Variants in PELI2 observed in about 807,000 individuals in gnomAD.
PELI2 encodes pellino E3 ubiquitin protein ligase family member 2.
A neutral mutation model predicts 42.3 loss-of-function variants in PELI2; 23 were observed. That is an observed-to-expected ratio of 0.54 (90% confidence interval 0.39 to 0.77). The LOEUF is 0.77. Ranked by LOEUF, PELI2 falls within the 30% of genes least tolerant of loss-of-function variation. The pLI is 0.00. For synonymous variants in PELI2, 245 were observed against 212.2 expected, an observed-to-expected ratio of 1.15 and a Z score of -1.34; for missense variants, 463 against 553.2, an observed-to-expected ratio of 0.84 and a Z score of 1.64.
At chr14:56,205,220 G>C (rs949336406) in intron 2 of PELI2, among the ~76,000 whole-genome samples, 4 of 152,068 alleles carry the variant, frequency 2.6e-5, no homozygotes, top group Non-Finnish European at 5.9e-5. Flanking sequence ...ACATGCTACC[G>C]TGAGTGGACT....
Position 56,297,085 on chromosome 14 carries a change from C to T in PELI2, c.1182C>T (p.His394=), listed in dbSNP as rs112819861. 1.7e-3 allele frequency: 2,790 copies of T among 1,610,820 alleles called. 8 individuals carry two copies. The highest frequency in any genetic ancestry group is 2.2e-3 in the Non-Finnish European group (2,634 of 1,179,920). ...IPLPHGTHAF[H]AACPFCATQL... is the part of the protein sequence containing the mutation. The stretch of plus-strand genomic sequence containing the variant: ...TGCCTCATGGAACTCATGCATTTCA[C>T]GCTGCTTGCCCTTTCTGTGCTACAC... Residue 394 remains histidine, a synonymous_variant, in exon 6 of 6, where the codon CAC becomes CAT. Coordinates refer to ENST00000267460, the MANE Select transcript of PELI2 (RefSeq NM_021255.3).
At chr14:56,295,829 C>G (rs1224238944) in intron 5 of PELI2, among the ~76,000 whole-genome samples, 1 of 152,134 alleles carries the variant, frequency 6.6e-6, no homozygotes, top group Non-Finnish European at 1.5e-5. Context: ...TTCATGCACT[C>G]TGAGCTCTGG....
At chr14:56,185,477 G>A (rs181864882) in intron 2 of PELI2, among the ~76,000 whole-genome samples, 2 of 152,186 alleles carry the variant, frequency 1.3e-5, no homozygotes, top group East Asian at 1.9e-4. Flanking sequence ...TTTAAGCCAG[G>A]CAGTGTTACT....
intron 2 of PELI2, among the ~76,000 whole-genome samples, chr14:56,258,101 A>G (rs1888583185): frequency 6.6e-6 from 1 of 152,196 alleles, no homozygotes; most frequent in East Asian, 1.9e-4. Flanking sequence ...AGATCTCAAA[A>G]TACCAGGGAA....
At chr14:56,296,173 G>T (rs545936502) in intron 5 of PELI2, among the ~76,000 whole-genome samples, 10 of 152,184 alleles carry the variant, frequency 6.6e-5, no homozygotes, top group African/African-American at 2.4e-4. Context: ...CAGGCCCCCC[G>T]CAAGATCTTC....
rs376146036 is a variant in PELI2, at chr14:56,178,351, C to T, written c.94C>T (p.Pro32Ser). The change falls in exon 2 of 6, where the codon CCC (proline) becomes TCC (serine). Residue 32 changes from proline (P) to serine (S), a missense_variant. Physicochemically the swap from Pro to Ser is moderately conservative, Grantham distance 74. Transcript: ENST00000267460. The stretch of plus-strand genomic sequence containing the variant: ...TGTTTCTAGGTACAATGGTGCTTTA[C>T]CCAATGGAGATAGAGGACGGAGGAA... Reference protein sequence around the residue: ...LVVLGYNGALPNGDRGRRKSR... With the variant: ...LVVLGYNGALSNGDRGRRKSR... 4 of 1,613,836 alleles carry T rather than the reference C, an allele frequency of 2.5e-6. No homozygotes were observed. The highest frequency in any genetic ancestry group is 3.4e-6 in the Non-Finnish European group (4 of 1,179,870).
Position 56,288,714 on chromosome 14 carries a change from A to AT in PELI2, c.507+80_507+81insT. 8.3e-7 allele frequency: 1 copy of AT among 1,211,018 alleles called. No individual in the cohort carries two copies. Among genetic ancestry groups the AT allele is most frequent in the South Asian group, 1.3e-5 (1 of 74,236 alleles). The allele number at this position is 1,211,018 out of a possible 1,614,324, so 75.0% of individuals were successfully genotyped here. On this transcript the variant is annotated intron_variant, in intron 4 of 5. Transcript: ENST00000267460. The surrounding 1 kb of genome is among the most constrained non-coding windows in gnomAD (Gnocchi z 4.6). ...TGGAACATTTAATTGGAGCAAAAAA[A>AT]AATTGGCTTTGTATGTTGCCTCTAG...
chr14:56,255,604 GCA>G (rs1290337743), intron 2 of PELI2, among the ~76,000 whole-genome samples: 1 of 152,158 alleles, frequency 6.6e-6, no homozygotes, highest in Non-Finnish European at 1.5e-5. Context: ...TGCATGTTGT[GCA>G]CATGTATCCC....
intron 2 of PELI2, among the ~76,000 whole-genome samples, chr14:56,215,293 G>A (rs1886865580): frequency 6.6e-6 from 1 of 152,170 alleles, no homozygotes; most frequent in African/African-American, 2.4e-5. Flanking sequence ...CCCTTTTCAT[G>A]GGCACCAAGG....
chr14:56,235,279 C>A (rs927072443), intron 2 of PELI2, among the ~76,000 whole-genome samples: 2 of 152,084 alleles, frequency 1.3e-5, no homozygotes, highest in East Asian at 3.9e-4. Flanking sequence ...GTAAATAATA[C>A]AAAGGCCTAA....
At chr14:56,199,462 A>G (rs959408518) in intron 2 of PELI2, among the ~76,000 whole-genome samples, 4 of 152,252 alleles carry the variant, frequency 2.6e-5, no homozygotes, top group African/African-American at 9.6e-5. Context: ...AGATTCCCCA[A>G]TGCAATGAAA....
chr14:56,291,387 G>C (rs1001987477), intron 5 of PELI2, among the ~76,000 whole-genome samples: 1 of 152,144 alleles, frequency 6.6e-6, no homozygotes, highest in Admixed American at 6.5e-5. Flanking sequence ...CTCATTTGCT[G>C]TTCTCTACTG....
chr14:56,264,792 A>C (rs931219469), intron 2 of PELI2, among the ~76,000 whole-genome samples: 1 of 152,222 alleles, frequency 6.6e-6, no homozygotes, highest in Non-Finnish European at 1.5e-5. Context: ...TTTGACAAAA[A>C]TGTTGCAACA....
chr14:56,161,809 A>G (rs1301722352), intron 1 of PELI2, among the ~76,000 whole-genome samples: 1 of 152,146 alleles, frequency 6.6e-6, no homozygotes, highest in South Asian at 2.1e-4. Context: ...ACTTGAATCT[A>G]TTGTAAGGCC....
In PELI2 at chr14:56,288,721, C is replaced by T; in HGVS notation, c.507+87C>T. On this transcript the variant is annotated intron_variant, in intron 4 of 5. Transcript: ENST00000267460. This position sits in a 1 kb window ranked among gnomAD's most constrained non-coding sequence, Gnocchi z 4.6. ...TTTAATTGGAGCAAAAAAAAATTGG[C>T]TTTGTATGTTGCCTCTAGTGAGATT... 1 of 1,025,306 alleles carries T rather than the reference C, an allele frequency of 9.8e-7. No homozygotes were observed. Among genetic ancestry groups the T allele is most frequent in the Middle Eastern group, 2.8e-4 (1 of 3,548 alleles). 63.5% of individuals were successfully genotyped at this position (1,025,306 alleles called of 1,614,324 possible). A position where few individuals can be genotyped will look rare whatever the true frequency, so the allele number is the denominator to read the frequency against.
intron 1 of PELI2, among the ~76,000 whole-genome samples, chr14:56,149,447 C>G (rs1402749381): frequency 1.3e-5 from 2 of 152,100 alleles, no homozygotes; most frequent in Non-Finnish European, 2.9e-5. Context: ...GGAATTATGC[C>G]TTACAAAATA....
intron 2 of PELI2, among the ~76,000 whole-genome samples, chr14:56,234,434 A>T (rs1268078453): frequency 6.6e-6 from 1 of 152,206 alleles, no homozygotes; most frequent in Non-Finnish European, 1.5e-5. Flanking sequence ...AAAAAGGATG[A>T]GTTCATGTCC....
At chr14:56,191,700 C>T (rs2139688803) in intron 2 of PELI2, among the ~76,000 whole-genome samples, 1 of 152,320 alleles carries the variant, frequency 6.6e-6, no homozygotes, top group East Asian at 1.9e-4. Context: ...AGTGAAGTTG[C>T]TGTGCCACTA....
At chr14:56,208,204 G>A (rs1458830764) in intron 2 of PELI2, among the ~76,000 whole-genome samples, 1 of 152,206 alleles carries the variant, frequency 6.6e-6, no homozygotes, top group African/African-American at 2.4e-5. Flanking sequence ...TGTCTCAAGA[G>A]CTCCTACTAA....
Sources: allele counts gnomAD v4.1 joint callset (sites outside exome capture counted in the v4.1 genomes callset), GRCh38; gene constraint gnomAD v4.1.1; non-coding constraint Gnocchi (gnomAD v3.1); transcripts MANE v1.5; gene names NCBI Gene and HGNC (gene_info 2026-07-23, HGNC 2026-07-21).